Variants in NYAP2 observed in about 807,000 individuals in gnomAD.
NYAP2 encodes neuronal tyrosine-phosphorylated phosphoinositide-3-kinase adaptor 2, also known as neuronal tyrosine-phosphorylated phosphoinositide-3-kinase adapter 2.
A neutral mutation model predicts 50.4 loss-of-function variants in NYAP2; 23 were observed. The observed-to-expected ratio is 0.46, with a 90% CI of 0.33 to 0.65. The LOEUF (loss-of-function observed/expected upper bound fraction) is 0.65. Among genes scored for constraint, NYAP2 ranks in the 30% least tolerant of loss-of-function variants. NYAP2 has a pLI of 0.02. For missense variants in NYAP2, 885 were observed against 861.0 expected, an observed-to-expected ratio of 1.03 and a Z score of -0.35; for synonymous variants, 394 against 365.2, an observed-to-expected ratio of 1.08 and a Z score of -0.90.
the NYAP2 span, chr2:225,699,182 T>C: frequency 6.6e-6 from 1 of 151,956 alleles, no homozygotes; most frequent in East Asian, 1.9e-4. Context: ...TAAGAATTTC[T>C]CTTTAGCATC....
chr2:225,649,233 C>T (rs990796956), intron 6 of NYAP2, among the ~76,000 whole-genome samples: 16 of 152,184 alleles, frequency 1.1e-4, no homozygotes, highest in African/African-American at 3.4e-4. Flanking sequence ...CAACTCTTCT[C>T]CACTAACCTG....
At chr2:225,480,056 T>C (rs917615864) in intron 3 of NYAP2, among the ~76,000 whole-genome samples, 1 of 152,150 alleles carries the variant, frequency 6.6e-6, no homozygotes, top group Non-Finnish European at 1.5e-5. Flanking sequence ...AAGTATGTAT[T>C]ACTTTCTAAG....
At chr2:225,547,452 G>A (rs73089025) in intron 4 of NYAP2, among the ~76,000 whole-genome samples, 2,566 of 152,348 alleles carry the variant, frequency 0.017, 59 homozygotes, top group African/African-American at 0.057. Flanking sequence ...TCAAGAGCAC[G>A]TTAGTCTGTA....
At chr2:225,653,147 T>C (rs921399604) in exon 7 of NYAP2, 7 of 152,200 alleles carry the variant, frequency 4.6e-5, no homozygotes, top group Non-Finnish European at 1.0e-4. Flanking sequence ...CTTACCAACA[T>C]TTAAAGCTTA....
At chr2:225,411,397 A>C (rs1695036528) in intron 3 of NYAP2, among the ~76,000 whole-genome samples, 1 of 152,106 alleles carries the variant, frequency 6.6e-6, no homozygotes, top group Non-Finnish European at 1.5e-5. Flanking sequence ...AAAGGGGAGC[A>C]GGTTTAGCGT....
At chr2:225,521,370 T>C (rs1262645669) in intron 4 of NYAP2, among the ~76,000 whole-genome samples, 3 of 150,716 alleles carry the variant, frequency 2.0e-5, no homozygotes, top group Non-Finnish European at 4.5e-5. Flanking sequence ...AAGGGAATGC[T>C]TCCAGTTTTT....
intron 3 of NYAP2, among the ~76,000 whole-genome samples, chr2:225,438,359 G>A (rs961810664): frequency 2.0e-5 from 3 of 152,218 alleles, no homozygotes; most frequent in African/African-American, 7.2e-5. Flanking sequence ...AGTCTGGCAA[G>A]TGCTTTAGCT....
the NYAP2 span, among the ~76,000 whole-genome samples, chr2:225,663,567 C>CT: frequency 6.6e-6 from 1 of 151,120 alleles, no homozygotes; most frequent in South Asian, 2.1e-4. Flanking sequence ...CTTTTTTTTT[C>CT]TTTTTTCTGA....
intron 3 of NYAP2, among the ~76,000 whole-genome samples, chr2:225,506,414 C>T (rs1259741186): frequency 6.6e-6 from 1 of 152,216 alleles, no homozygotes; most frequent in East Asian, 1.9e-4. Context: ...AATTATGCCT[C>T]TCTCTTAAAA....
At chr2:225,533,083 G>C (rs997039685) in intron 4 of NYAP2, among the ~76,000 whole-genome samples, 2 of 152,136 alleles carry the variant, frequency 1.3e-5, no homozygotes, top group Non-Finnish European at 2.9e-5. Context: ...TAGATCAAGG[G>C]CACCTACCCC....
intron 2 of NYAP2, among the ~76,000 whole-genome samples, chr2:225,401,891 G>A (rs1432878643): frequency 1.3e-5 from 2 of 152,010 alleles, no homozygotes; most frequent in African/African-American, 2.4e-5. Flanking sequence ...CTTACATGAT[G>A]TAGTTTTAGT....
chr2:225,617,303 C>T (rs1316682313), intron 5 of NYAP2, among the ~76,000 whole-genome samples: 2 of 152,044 alleles, frequency 1.3e-5, no homozygotes, highest in Non-Finnish European at 2.9e-5. Context: ...GAGGTGGGCA[C>T]CTGTAATCCT....
intron 3 of NYAP2, among the ~76,000 whole-genome samples, chr2:225,452,839 G>A (rs756363305): frequency 1.1e-4 from 17 of 152,108 alleles, no homozygotes; most frequent in African/African-American, 2.7e-4. Flanking sequence ...TTTCAACCAC[G>A]GTGAGTGGTT....
chr2:225,501,781 T>G (rs1468253357), intron 3 of NYAP2, among the ~76,000 whole-genome samples: 1 of 152,212 alleles, frequency 6.6e-6, no homozygotes, highest in Non-Finnish European at 1.5e-5. Flanking sequence ...CTGGGTCACA[T>G]CTTTCTCTCT....
chr2:225,683,929 A>C, the NYAP2 span, among the ~76,000 whole-genome samples: 3 of 152,138 alleles, frequency 2.0e-5, no homozygotes, highest in Non-Finnish European at 4.4e-5. Flanking sequence ...AAATTTGGTT[A>C]AAAGGCAAAA....
chr2:225,511,373 C>CACACACAGAG (rs376750469), intron 3 of NYAP2, among the ~76,000 whole-genome samples: 35 of 117,834 alleles, frequency 3.0e-4, no homozygotes, highest in African/African-American at 5.7e-4. Flanking sequence ...CACACACACA[C>CACACACAGAG]AGAGAGAGAG....
intron 4 of NYAP2, among the ~76,000 whole-genome samples, chr2:225,560,583 G>T (rs1239949936): frequency 1.3e-5 from 2 of 151,984 alleles, no homozygotes; most frequent in Non-Finnish European, 2.9e-5. Flanking sequence ...AAATTCAGTG[G>T]GATCTTTCCT....
In NYAP2 at chr2:225,419,121, T is replaced by A. The variant is rs181309229; in HGVS notation, c.221+10020T>A. On this transcript the variant is annotated intron_variant, in intron 3 of 6. Coordinates refer to ENST00000636099, the Ensembl canonical transcript of NYAP2. ...AGTGAAATCATGCAGTCGGCGATAC[T>A]GATTCTAAGAGCTATATGATCCACA... 3.9e-5 allele frequency among the ~76,000 whole-genome samples: 6 copies of A among 152,324 alleles called. No homozygotes were observed. The East Asian group carries it at 1.2e-3, about 29-fold the overall frequency.
At chr2:225,487,752 G>A (rs1485031850) in intron 3 of NYAP2, among the ~76,000 whole-genome samples, 1 of 152,120 alleles carries the variant, frequency 6.6e-6, no homozygotes, top group Admixed American at 6.5e-5. Context: ...ATTTATTTAT[G>A]GGGATGTTTG....
Sources: gnomAD v4.1 joint callset for allele counts (sites outside exome capture counted in the v4.1 genomes callset) on GRCh38, gnomAD v4.1.1 for gene constraint, MANE v1.5 for transcripts, NCBI Gene and HGNC (gene_info 2026-07-23, HGNC 2026-07-21) for gene names.